Variants in SMC1B observed in about 807,000 individuals in gnomAD.
The protein encoded by SMC1B is structural maintenance of chromosomes protein 1B.
SMC1B carries 60 observed loss-of-function variants against 157.9 expected under a neutral mutation model. The ratio of observed to expected loss-of-function variants is 0.38; its 90% confidence interval spans 0.31 to 0.47. The LOEUF is 0.47. Ranked by LOEUF, SMC1B falls within the 20% of genes least tolerant of loss-of-function variation. The pLI is 0.99. For synonymous variants in SMC1B, 445 were observed against 483.0 expected (o/e 0.92, Z 1.03); for missense variants, 1,165 against 1,426.2 (o/e 0.82, Z 2.95).
chr22:45,412,332 C>T lies in SMC1B; in HGVS notation c.109+1127G>A, dbSNP rs566289986. 1.1e-4 allele frequency among the ~76,000 whole-genome samples: 16 copies of T among 148,092 alleles called. No homozygotes were observed. The South Asian group carries it at 2.8e-3, about 26-fold the overall frequency. ...TCTCCTGCCTCAGCCTCCTCAGTAGCCGGGATTACAGGTGCATGTCACCAC... is the reference window on the plus strand; with the variant it reads ...TCTCCTGCCTCAGCCTCCTCAGTAGTCGGGATTACAGGTGCATGTCACCAC... On this transcript the variant is annotated intron_variant, in intron 1 of 24. Coordinates refer to ENST00000357450, the MANE Select transcript of SMC1B (RefSeq NM_148674.5).
intron 15 of SMC1B, among the ~76,000 whole-genome samples, chr22:45,365,915 T>C (rs2086771301): frequency 6.6e-6 from 1 of 152,226 alleles, no homozygotes; most frequent in South Asian, 2.1e-4. Context: ...AGACATTCTA[T>C]GTTTTTAGAT....
At chr22:45,372,129 T>A in intron 13 of SMC1B, 26 bp downstream of exon 13, 1 of 1,562,296 alleles carries the variant, frequency 6.4e-7, no homozygotes. Context: ...CAAATGCCTA[T>A]CATATTTTAT....
chr22:45,400,757 C>G (rs1264247824), intron 5 of SMC1B, among the ~76,000 whole-genome samples: 1 of 152,118 alleles, frequency 6.6e-6, no homozygotes, highest in Non-Finnish European at 1.5e-5. Flanking sequence ...AACAGTGATA[C>G]CATGTTGATA....
chr22:45,364,869 G>A (rs1338630785), intron 15 of SMC1B, among the ~76,000 whole-genome samples: 4 of 134,094 alleles, frequency 3.0e-5, no homozygotes, highest in Non-Finnish European at 6.2e-5. Flanking sequence ...ATGGAGTCTC[G>A]CTCTGTTGCC....
Position 45,399,292 on chromosome 22 carries a change from A to C in SMC1B, c.916T>G (p.Ser306Ala). ...ACATCTAATTTCTTAAGGTGGTGAG[A>C]AGTGTTTTCTTTGGCTTTAATGTAC... is the stretch of plus-strand genomic sequence containing the variant. The part of the protein sequence containing the change: ...PQYIKAKENT[S>A]HHLKKLDVAK... The change falls in exon 6 of 25, where the codon TCT (serine) becomes GCT (alanine). Residue 306 changes from serine (S) to alanine (A), a missense_variant. Coordinates refer to ENST00000357450, the MANE Select transcript of SMC1B (RefSeq NM_148674.5). The C allele has an allele frequency of 6.2e-7, 1 of 1,613,854 alleles. No homozygotes were observed. Among genetic ancestry groups the C allele is most frequent in the South Asian group, 1.1e-5 (1 of 91,080 alleles).
Position 45,354,028 on chromosome 22 carries a change from T to C in SMC1B, c.3223A>G (p.Ile1075Val), listed in dbSNP as rs779125325. 7 of 1,602,676 alleles carry C rather than the reference T, an allele frequency of 4.4e-6. No homozygotes were observed. Among genetic ancestry groups the C allele is most frequent in the East Asian group, 2.3e-5 (1 of 44,292 alleles). ...LFTQCFEHVS[I>V]SIDQIYKKLC... ...TTCTTGTAGATTTGATCAATTGAGA[T>C]TGAGACATGCTCAAAACACTGGGTG... is the stretch of plus-strand genomic sequence containing the variant. Residue 1075 changes from isoleucine to valine, a missense_variant, in exon 21 of 25, where the codon ATC becomes GTC. Physicochemically the swap from Ile to Val is conservative, Grantham distance 29. Transcript: ENST00000357450.
Position 45,413,350 on chromosome 22 carries a change from AAG to A in SMC1B, c.109+107_109+108del. The A allele has an allele frequency of 8.6e-6, 7 of 817,526 alleles. No individual in the cohort carries two copies. The South Asian group carries it at 1.3e-4, about 15-fold the overall frequency. The allele number at this position is 817,526 out of a possible 1,614,324, so 50.6% of individuals were successfully genotyped here. A position where few individuals can be genotyped will look rare whatever the true frequency, so the allele number is the denominator to read the frequency against. On this transcript the variant is annotated intron_variant, in intron 1 of 24. Transcript: ENST00000357450. ...GGTCAGGCTCCGGGACTGGAAGGGG[AAG>A]GCCGGCCAGGCGCCCGCGGCAGACG...
chr22:45,413,386 C>A, intron 1 of SMC1B, 73 bp downstream of exon 1: 2 of 1,243,152 alleles, frequency 1.6e-6, no homozygotes, highest in African/African-American at 1.5e-5. Context: ...CGCCCACACC[C>A]CACAGGCCAC....
chr22:45,369,954 CT>C lies in SMC1B; in HGVS notation c.2419del (p.Arg807AspfsTer2). 6 of 1,520,648 alleles carry C rather than the reference CT, an allele frequency of 3.9e-6. No individual in the cohort carries two copies. Among genetic ancestry groups the C allele is most frequent in the Admixed American group, 1.8e-5 (1 of 55,046 alleles). The allele number at this position is 1,520,648 out of a possible 1,614,324, so 94.2% of individuals were successfully genotyped here. A position where few individuals can be genotyped will look rare whatever the true frequency, so the allele number is the denominator to read the frequency against. On this transcript the variant is annotated frameshift_variant and splice_region_variant, in exon 15 of 25. Coordinates refer to ENST00000357450, the MANE Select transcript of SMC1B (RefSeq NM_148674.5). LOFTEE classifies it high-confidence loss of function. ...TACCAACATCTTTTTATAAAAATACCTTTTTTGATCAATTTCTTGTTGCCGT... is the reference window on the plus strand; with the variant it reads ...TACCAACATCTTTTTATAAAAATACCTTTTTGATCAATTTCTTGTTGCCGT... ...VKRQQEIDQK[R>X]LEFEKQKTRL...
intron 9 of SMC1B, among the ~76,000 whole-genome samples, 164 bp from the exon 10 acceptor site, chr22:45,390,061 T>C (rs892223432): frequency 6.6e-5 from 10 of 152,182 alleles, no homozygotes; most frequent in Non-Finnish European, 1.3e-4. Context: ...AGTTTCATTA[T>C]GCAATGTCCA....
At position 45,413,225 on chromosome 22, in the gene SMC1B, A is replaced by G. The variant is rs1602107004; in HGVS notation, c.109+234T>C. ...GGTCAGGACCTCCGAGGTGGGGCGG[A>G]GGGACAAGGGTCGGGACCCCTGAGG... is the stretch of plus-strand genomic sequence containing the variant. On this transcript the variant is annotated intron_variant, in intron 1 of 24. Transcript: ENST00000357450. Among the ~76,000 whole-genome samples the G allele has an allele frequency of 2.7e-5, 4 of 149,904 alleles. No homozygotes were observed. The Middle Eastern group carries it at 0.014, about 510-fold the overall frequency.
At chr22:45,401,778 C>A (rs1447189565) in intron 5 of SMC1B, among the ~76,000 whole-genome samples, 5 of 152,168 alleles carry the variant, frequency 3.3e-5, no homozygotes, top group African/African-American at 1.2e-4. Flanking sequence ...CCTATTAAAC[C>A]CACTCTTAAC....
At chr22:45,387,734 T>G (rs1280590324) in intron 10 of SMC1B, among the ~76,000 whole-genome samples, 2 of 151,816 alleles carry the variant, frequency 1.3e-5, no homozygotes, top group Admixed American at 1.3e-4. Flanking sequence ...ACTATGGAAT[T>G]TAAAAAACCA....
chr22:45,365,513 T>A (rs1235303611), intron 15 of SMC1B, among the ~76,000 whole-genome samples: 3 of 152,158 alleles, frequency 2.0e-5, no homozygotes, highest in African/African-American at 7.2e-5. Context: ...AAGACCAGCC[T>A]GGGCAACATG....
At chr22:45,383,197 C>T (rs1358777244) in intron 12 of SMC1B, among the ~76,000 whole-genome samples, 1 of 151,684 alleles carries the variant, frequency 6.6e-6, no homozygotes, top group Non-Finnish European at 1.5e-5. Context: ...AACAGTCTAT[C>T]ATAAAACAAA....
At chr22:45,404,492 T>G (rs376127673) in intron 4 of SMC1B, among the ~76,000 whole-genome samples, 4 of 152,208 alleles carry the variant, frequency 2.6e-5, no homozygotes, top group African/African-American at 9.6e-5. Context: ...TCCCATACCT[T>G]TTCAAGTCTG....
intron 4 of SMC1B, among the ~76,000 whole-genome samples, chr22:45,405,280 G>A (rs1442400168): frequency 1.3e-5 from 2 of 152,176 alleles, no homozygotes; most frequent in African/African-American, 4.8e-5. Flanking sequence ...AAGATTCTTG[G>A]CCAGGCGCGG....
intron 5 of SMC1B, among the ~76,000 whole-genome samples, chr22:45,400,101 A>C (rs1238229831): frequency 1.3e-5 from 2 of 152,256 alleles, no homozygotes; most frequent in African/African-American, 4.8e-5. Context: ...GTGTATAAAT[A>C]GTATACACAG....
chr22:45,369,546 T>C (rs957500870), intron 15 of SMC1B, among the ~76,000 whole-genome samples: 41 of 147,490 alleles, frequency 2.8e-4, no homozygotes, highest in Non-Finnish European at 3.9e-4. Flanking sequence ...CTGTTTCTTT[T>C]TTTTTTTTTT....
Sources: allele counts gnomAD v4.1 joint callset (sites outside exome capture counted in the v4.1 genomes callset), GRCh38; gene constraint gnomAD v4.1.1; transcripts MANE v1.5; gene names NCBI Gene and HGNC (gene_info 2026-07-23, HGNC 2026-07-21).